Variants in RHBG observed in about 807,000 individuals in gnomAD.
RHBG encodes Rh family B glycoprotein.
Under a neutral mutation model 40.1 loss-of-function variants are expected in RHBG, and 39 were observed. The observed-to-expected ratio is 0.97, with a 90% CI of 0.75 to 1.27. The LOEUF is 1.27. Ranked by LOEUF, RHBG falls within the 50% of genes most tolerant of loss-of-function variation. The probability of loss-of-function intolerance (pLI) is 0.00; values close to 1 mark genes in which losing one functional copy is unlikely to be tolerated. For missense variants in RHBG, 549 were observed against 588.1 expected, an observed-to-expected ratio of 0.93 and a Z score of 0.69; for synonymous variants, 237 against 252.5, an observed-to-expected ratio of 0.94 and a Z score of 0.58.
chr1:156,375,222 A>C (rs1667104531), intron 1 of RHBG, among the ~76,000 whole-genome samples: 1 of 151,732 alleles, frequency 6.6e-6, no homozygotes, highest in African/African-American at 2.4e-5. Context: ...ACAGCTGTGC[A>C]CCACCACACC....
At chr1:156,370,637 A>AAAG (rs1553190128) in intron 1 of RHBG, among the ~76,000 whole-genome samples, 14 of 143,142 alleles carry the variant, frequency 9.8e-5, no homozygotes, top group Non-Finnish European at 2.1e-4. Context: ...AAAAAAAAAA[A>AAAG]AAAGAAAGAA....
rs538971671 is a variant in RHBG, at chr1:156,378,368, C to T, written c.642C>T (p.Ser214=). Reference sequence around the variant, plus strand: ...AGAAGAGCAAGCACCGCCAGGGCTCCGTCTACCATTCAGACCTCTTCGCCA... The same window carrying T: ...AGAAGAGCAAGCACCGCCAGGGCTCTGTCTACCATTCAGACCTCTTCGCCA... The part of the protein sequence containing the change: ...QLEKSKHRQG[S]VYHSDLFAMI... The change falls in exon 4 of 10, where the codon TCC becomes TCT. Residue 214 remains serine, a synonymous_variant. Transcript: ENST00000537040. The T allele has an allele frequency of 8.7e-6, 14 of 1,611,590 alleles. No homozygotes were observed. The highest frequency in any genetic ancestry group is 7.7e-5 in the South Asian group (7 of 90,714).
Position 156,377,926 on chromosome 1 carries a change from G to T in RHBG, c.375-64G>T. The T allele has an allele frequency of 7.0e-7, 1 of 1,429,564 alleles. No individual in the cohort carries two copies. Among genetic ancestry groups the T allele is most frequent in the South Asian group, 1.4e-5 (1 of 71,854 alleles). 88.6% of individuals were successfully genotyped at this position (1,429,564 alleles called of 1,614,324 possible). A position where few individuals can be genotyped will look rare whatever the true frequency, so the allele number is the denominator to read the frequency against. ...ATCATGCTGTCCTGGCTTCATGCCA[G>T]GCAGGAACCCCGAGGCCAGCCTCTC... On this transcript the variant is annotated intron_variant, in intron 2 of 9. Transcript: ENST00000537040. This position sits in a 1 kb window ranked among gnomAD's most constrained non-coding sequence, Gnocchi z 4.6.
At position 156,378,017 on chromosome 1, in the gene RHBG, G is replaced by A. The variant is rs920447943; in HGVS notation, c.402G>A (p.Gly134=). The A allele has an allele frequency of 2.8e-5, 44 of 1,559,788 alleles. No individual in the cohort carries two copies. Among genetic ancestry groups the A allele is most frequent in the Non-Finnish European group, 2.1e-5 (24 of 1,150,368 alleles). ...TGATCAATGCTGACTTTTGTGCGGG[G>A]GCCGTGCTCATCTCCTTTGGTGCCG... ...ESMINADFCA[G]AVLISFGAVL... is the part of the protein sequence containing the mutation. Residue 134 remains glycine (G), a synonymous_variant, in exon 3 of 10, where the codon GGG becomes GGA. Transcript: ENST00000537040.
Position 156,384,595 on chromosome 1 carries a change from T to G in RHBG, c.1303T>G (p.Trp435Gly). 6.4e-7 allele frequency: 1 copy of G among 1,573,880 alleles called. No individual in the cohort carries two copies. The highest frequency in any genetic ancestry group is 1.4e-5 in the African/African-American group (1 of 73,926). Reference protein sequence around the residue: ...DSQHYEDQVHWQVPGEHEDKA... With the variant: ...DSQHYEDQVHGQVPGEHEDKA... ...CCAGCACTACGAGGACCAAGTTCACTGGCAGGTGAGACATTGCTGGGCTCT... is the reference window on the plus strand; with the variant it reads ...CCAGCACTACGAGGACCAAGTTCACGGGCAGGTGAGACATTGCTGGGCTCT... Residue 435 changes from tryptophan to glycine, a missense_variant, in exon 9 of 10, where the codon TGG (tryptophan) becomes GGG (glycine). Trp to Gly is a radical substitution (Grantham distance 184). This residue lies in a region of RHBG where 399 missense variants were observed against 417.0 expected (regional missense o/e 0.96). Coordinates refer to ENST00000537040, the MANE Select transcript of RHBG (RefSeq NM_020407.5).
chr1:156,383,727 C>T (rs545190379), intron 8 of RHBG, among the ~76,000 whole-genome samples: 1 of 149,950 alleles, frequency 6.7e-6, no homozygotes, highest in South Asian at 2.1e-4. Flanking sequence ...TGGGGATTCA[C>T]TGTGTTAGCC....
chr1:156,383,732 T>A (rs563673499), intron 8 of RHBG, among the ~76,000 whole-genome samples: 1 of 150,462 alleles, frequency 6.6e-6, no homozygotes, highest in Non-Finnish European at 1.5e-5. Context: ...ATTCACTGTG[T>A]TAGCCAGGAT....
In RHBG at chr1:156,382,573, G is replaced by A. The variant is rs1571018780; in HGVS notation, c.1113-175G>A. The A allele has an allele frequency of 1.0e-5, 8 of 785,322 alleles. No homozygotes were observed. The East Asian group carries it at 2.0e-4, about 19-fold the overall frequency. 48.6% of individuals were successfully genotyped at this position (785,322 alleles called of 1,614,324 possible). ...GGGTGGGAAGGTGTTCCAGGCTGTG[G>A]GCCTGGCTTGAGCAGTGGCCTGGAG... On this transcript the variant is annotated intron_variant, in intron 7 of 9. Coordinates refer to ENST00000537040, the MANE Select transcript of RHBG (RefSeq NM_020407.5).
chr1:156,377,279 C>T lies in RHBG; in HGVS notation c.188-22C>T, dbSNP rs369397872. On this transcript the variant is annotated intron_variant, in intron 1 of 9. Coordinates refer to ENST00000537040, the MANE Select transcript of RHBG (RefSeq NM_020407.5). The surrounding 1 kb of genome is among the most constrained non-coding windows in gnomAD (Gnocchi z 4.6). ...TGGCTAGAGCAGCCCCCAAGTGCCC[C>T]GCCTGTCCCTGCCCGCTGCAGGCTT... 8.1e-6 allele frequency: 13 copies of T among 1,609,218 alleles called. No homozygotes were observed. Among genetic ancestry groups the T allele is most frequent in the East Asian group, 6.7e-5 (3 of 44,780 alleles).
intron 7 of RHBG, 106 bp downstream of exon 7, chr1:156,382,307 C>A: frequency 6.4e-7 from 1 of 1,550,964 alleles, no homozygotes; most frequent in Non-Finnish European, 8.9e-7. Flanking sequence ...TTCATTCATT[C>A]ATCCATATTC....
intron 4 of RHBG, among the ~76,000 whole-genome samples, chr1:156,380,879 A>T (rs1557803899): frequency 6.6e-6 from 1 of 152,006 alleles, no homozygotes; most frequent in East Asian, 1.9e-4. Context: ...GCCTCATTTA[A>T]TTACCACTTG....
chr1:156,370,318 G>A (rs2101745993), intron 1 of RHBG, among the ~76,000 whole-genome samples: 1 of 152,128 alleles, frequency 6.6e-6, no homozygotes, highest in African/African-American at 2.4e-5. Context: ...GTGTGGTGGT[G>A]GGTGTCTGTA....
rs1667348211 is a variant in RHBG at position 156,378,120 on chromosome 1, G to A, written c.505G>A (p.Val169Met). The A allele has an allele frequency of 1.9e-6, 3 of 1,611,676 alleles. No individual in the cohort carries two copies. The highest frequency in any genetic ancestry group is 2.5e-6 in the Non-Finnish European group (3 of 1,179,032). Residue 169 changes from valine to methionine, a missense_variant, in exon 3 of 10, where the codon GTG becomes ATG. Coordinates refer to ENST00000537040, the MANE Select transcript of RHBG (RefSeq NM_020407.5). ...GGTGCTGTTTGGCATCAATGAGTTT[G>A]TGCTCCTTCATCTCCTGGGGGTGAG... is the stretch of plus-strand genomic sequence containing the variant. Reference protein sequence around the residue: ...EVVLFGINEFVLLHLLGVRDA... With the variant: ...EVVLFGINEFMLLHLLGVRDA...
Position 156,381,353 on chromosome 1 carries a change from T to C in RHBG, c.680T>C (p.Ile227Thr). ...HSDLFAMIGT[I>T]FLWIFWPSFN... ...CTGTCTGTCCACCATCTAGGGACCA[T>C]CTTCCTGTGGATCTTCTGGCCTAGC... is the stretch of plus-strand genomic sequence containing the variant. The change falls in exon 5 of 10, where the codon ATC becomes ACC. Residue 227 changes from isoleucine to threonine, a missense_variant. By Grantham distance (89) the Ile-to-Thr change is moderately conservative (BLOSUM62 -1). This residue lies in a region of RHBG where 399 missense variants were observed against 417.0 expected (regional missense o/e 0.96). Transcript: ENST00000537040. 1.2e-6 allele frequency: 2 copies of C among 1,614,168 alleles called. No homozygotes were observed. Among genetic ancestry groups the C allele is most frequent in the Non-Finnish European group, 1.7e-6 (2 of 1,180,048 alleles).
intron 8 of RHBG, 95 bp downstream of exon 8, chr1:156,382,964 T>C (rs1276837624): frequency 1.3e-6 from 2 of 1,555,846 alleles, no homozygotes; most frequent in Admixed American, 1.7e-5. Flanking sequence ...AGCATCTACT[T>C]TGTGCCATAA....
chr1:156,384,686 G>T, intron 9 of RHBG, 86 bp downstream of exon 9: 1 of 1,541,316 alleles, frequency 6.5e-7, no homozygotes. Flanking sequence ...TTCCTTCCTT[G>T]CTGCTCCTTC....
intron 1 of RHBG, among the ~76,000 whole-genome samples, chr1:156,373,623 T>C (rs1557796243): frequency 6.6e-6 from 1 of 152,130 alleles, no homozygotes; most frequent in African/African-American, 2.4e-5. Context: ...GAGAAGGAGA[T>C]TTCTTGATGT....
In RHBG at chr1:156,378,248, C is replaced by T. The variant is rs765129077; in HGVS notation, c.526-4C>T. The T allele has an allele frequency of 6.2e-6, 10 of 1,613,572 alleles. No individual in the cohort carries two copies. The highest frequency in any genetic ancestry group is 1.6e-4 in the Middle Eastern group (1 of 6,082). On this transcript the variant is annotated splice_region_variant and splice_polypyrimidine_tract_variant and intron_variant, in intron 3 of 9. Coordinates refer to ENST00000537040, the MANE Select transcript of RHBG (RefSeq NM_020407.5). ...GGGTGCTGCCTCTCACCCCACCTCC[C>T]CAGGTGAGAGATGCCGGAGGCTCCA...
intron 1 of RHBG, chr1:156,374,765 T>C (rs1667074030): frequency 6.1e-5 from 17 of 280,388 alleles, no homozygotes; most frequent in South Asian, 4.4e-4. Flanking sequence ...TTTGTATTTT[T>C]AGTAGAGACA....
Sources: allele counts gnomAD v4.1 joint callset (sites outside exome capture counted in the v4.1 genomes callset), GRCh38; gene constraint gnomAD v4.1.1; regional missense constraint gnomAD v4.1.1; non-coding constraint Gnocchi (gnomAD v3.1); transcripts MANE v1.5; gene names NCBI Gene and HGNC (gene_info 2026-07-23, HGNC 2026-07-21).